Variants in PIGH observed in about 807,000 individuals in gnomAD.
The protein encoded by PIGH is phosphatidylinositol N-acetylglucosaminyltransferase subunit H.
Under a neutral mutation model 20.1 loss-of-function variants are expected in PIGH, and 11 were observed. That is an observed-to-expected ratio of 0.55 (90% CI 0.34 to 0.91). The LOEUF (loss-of-function observed/expected upper bound fraction) is 0.91. PIGH is among the 40% of genes least tolerant of loss of function. The probability of loss-of-function intolerance (pLI) is 0.02; values close to 1 mark genes in which losing one functional copy is unlikely to be tolerated. For missense variants in PIGH, 189 were observed against 233.6 expected (o/e 0.81, Z 1.24); for synonymous variants, 72 against 93.1 (o/e 0.77, Z 1.31).
intron 1 of PIGH, among the ~76,000 whole-genome samples, chr14:67,599,081 A>G (rs566951142): frequency 6.9e-4 from 105 of 152,308 alleles, no homozygotes; most frequent in Middle Eastern, 3.4e-3. Context: ...GCATATTTCT[A>G]TGCTAAATTA....
intron 3 of PIGH, among the ~76,000 whole-genome samples, chr14:67,590,728 A>G (rs1437493663): frequency 6.6e-6 from 1 of 152,242 alleles, no homozygotes; most frequent in Non-Finnish European, 1.5e-5. Context: ...CATGGAGTTA[A>G]GAAGTTTAGG....
intron 3 of PIGH, 106 bp downstream of exon 3, chr14:67,592,529 C>A: frequency 1.5e-6 from 1 of 668,894 alleles, no homozygotes; most frequent in East Asian, 2.7e-5. Context: ...AATTATCACT[C>A]AAAACAGCTG....
chr14:67,600,189 C>G lies in PIGH; in HGVS notation c.15G>C (p.Arg5=). 1 of 1,582,148 alleles carries G rather than the reference C, an allele frequency of 6.3e-7. No individual in the cohort carries two copies. Among genetic ancestry groups the G allele is most frequent in the East Asian group, 2.3e-5 (1 of 43,022 alleles). ...GGCCGCCGCAGATATCCGAAAAGCT[C>G]CGCTCATCCTCCATGACGCCCCCAC... MEDE[R]SFSDICGGRL... Residue 5 remains arginine (R), a synonymous_variant, in exon 1 of 4, where the codon CGG becomes CGC. Coordinates refer to ENST00000216452, the MANE Select transcript of PIGH (RefSeq NM_004569.5).
At chr14:67,598,915 G>A (rs1170682256) in intron 1 of PIGH, among the ~76,000 whole-genome samples, 5 of 146,404 alleles carry the variant, frequency 3.4e-5, no homozygotes, top group Non-Finnish European at 7.5e-5. Context: ...TCACCATGTT[G>A]GCCAGGCTGG....
At chr14:67,598,958 C>T (rs1271847746) in intron 1 of PIGH, among the ~76,000 whole-genome samples, 1 of 152,092 alleles carries the variant, frequency 6.6e-6, no homozygotes, top group East Asian at 1.9e-4. Context: ...GATCCGCCCG[C>T]CTCAGCTTCC....
chr14:67,592,908 C>G (rs1178321076), intron 2 of PIGH, 190 bp from the exon 3 acceptor site: 2 of 447,498 alleles, frequency 4.5e-6, no homozygotes, highest in Admixed American at 7.5e-5. Context: ...GCCTCAGCCT[C>G]CCAAGTAGCT....
intron 1 of PIGH, among the ~76,000 whole-genome samples, chr14:67,594,251 A>T (rs2036428959): frequency 6.6e-6 from 1 of 152,174 alleles, no homozygotes; most frequent in African/African-American, 2.4e-5. Context: ...AGGGAGGCTG[A>T]GGCAGGAGGA....
intron 1 of PIGH, among the ~76,000 whole-genome samples, chr14:67,598,104 G>A (rs1203001209): frequency 2.0e-5 from 3 of 152,068 alleles, no homozygotes; most frequent in African/African-American, 7.2e-5. Flanking sequence ...TTTGGGTTGG[G>A]GTTAAGCTGT....
At position 67,598,824 on chromosome 14, in the gene PIGH, C is replaced by G. The variant is rs540145187; in HGVS notation, c.180+1200G>C. Among the ~76,000 whole-genome samples, 4 of 152,076 alleles carry G rather than the reference C, an allele frequency of 2.6e-5. No individual in the cohort carries two copies. In the East Asian group the frequency reaches 5.8e-4, roughly 22 times the overall value. ...TCCCAGGTTCAAGCGATTCTCCCGC[C>G]TGAGCCTTCCGAGTGGCTGAGACTA... is the stretch of plus-strand genomic sequence containing the variant. On this transcript the variant is annotated intron_variant, in intron 1 of 3. Coordinates refer to ENST00000216452, the MANE Select transcript of PIGH (RefSeq NM_004569.5).
chr14:67,590,386 G>A (rs1205409582), intron 3 of PIGH, among the ~76,000 whole-genome samples: 2 of 151,622 alleles, frequency 1.3e-5, no homozygotes, highest in Non-Finnish European at 1.5e-5. Flanking sequence ...CCGAGTAGCT[G>A]GGATTACAGG....
intron 3 of PIGH, among the ~76,000 whole-genome samples, chr14:67,590,610 C>T (rs747784789): frequency 6.6e-6 from 1 of 152,172 alleles, no homozygotes. Flanking sequence ...CTGCCCACCT[C>T]GGCTTCCCAA....
At chr14:67,592,503 A>C (rs2036391852) in intron 3 of PIGH, 132 bp downstream of exon 3, 1 of 605,486 alleles carries the variant, frequency 1.7e-6, no homozygotes, top group South Asian at 2.1e-5. Flanking sequence ...GGAACTTCTC[A>C]AATAACTGAA....
At chr14:67,591,835 A>G (rs908848992) in intron 3 of PIGH, 9 of 151,470 alleles carry the variant, frequency 5.9e-5, no homozygotes, top group Non-Finnish European at 1.3e-4. Context: ...GCACCAGCTG[A>G]TAAGTGTTTT....
rs1288455039 is a variant in PIGH, at chr14:67,600,259, T to G, written c.-56A>C. On this transcript the variant is annotated 5_prime_UTR_variant, in exon 1 of 4. Transcript: ENST00000216452. ...GGCGCTGCACTGCGCTCGCCGGCCCTGGCCGTCTCGCCCGCTCCAGACCCG... is the reference window on the plus strand; with the variant it reads ...GGCGCTGCACTGCGCTCGCCGGCCCGGGCCGTCTCGCCCGCTCCAGACCCG... 3 of 1,418,454 alleles carry G rather than the reference T, an allele frequency of 2.1e-6. No individual in the cohort carries two copies. The highest frequency in any genetic ancestry group is 2.8e-6 in the Non-Finnish European group (3 of 1,071,472). The allele number at this position is 1,418,454 out of a possible 1,614,324, so 87.9% of individuals were successfully genotyped here.
chr14:67,594,875 C>T (rs565886586), intron 1 of PIGH, among the ~76,000 whole-genome samples: 7 of 151,704 alleles, frequency 4.6e-5, no homozygotes, highest in Non-Finnish European at 8.8e-5. Context: ...TTAGGCCGGG[C>T]GCGGTGGCTC....
chr14:67,590,258 T>A, intron 3 of PIGH, 86 bp from the exon 4 acceptor site: 1 of 1,169,474 alleles, frequency 8.6e-7, no homozygotes, highest in Non-Finnish European at 1.2e-6. Context: ...AATTTTTTTT[T>A]TTTTTTTTTT....
At position 67,589,374 on chromosome 14, in the gene PIGH, A is replaced by G. The variant is rs1465659235; in HGVS notation, c.*706T>C. On this transcript the variant is annotated 3_prime_UTR_variant, in exon 4 of 4. Transcript: ENST00000216452. ...TCCCATGTCTGAAAACCAAAGTCCA[A>G]TTTCTGTCTGGCCTTTTGTCTCATC... 2 of 984,552 alleles carry G rather than the reference A, an allele frequency of 2.0e-6. No homozygotes were observed. Among genetic ancestry groups the G allele is most frequent in the African/African-American group, 3.5e-5 (2 of 57,316 alleles). 61.0% of individuals were successfully genotyped at this position (984,552 alleles called of 1,614,324 possible). A position where few individuals can be genotyped will look rare whatever the true frequency, so the allele number is the denominator to read the frequency against.
chr14:67,589,725 G>T lies in PIGH; in HGVS notation c.*355C>A. The T allele has an allele frequency of 9.9e-7, 1 of 1,008,978 alleles. No individual in the cohort carries two copies. The allele number at this position is 1,008,978 out of a possible 1,614,324, so 62.5% of individuals were successfully genotyped here. The stretch of plus-strand genomic sequence containing the variant: ...AAAATATAGCTTTCTCAAGACATCT[G>T]ATGTCAGTTTCCCATTGTTTTGCTT... On this transcript the variant is annotated 3_prime_UTR_variant, in exon 4 of 4. Coordinates refer to ENST00000216452, the MANE Select transcript of PIGH (RefSeq NM_004569.5).
chr14:67,600,039 G>T lies in PIGH; in HGVS notation c.165C>A (p.Leu55=), dbSNP rs201381653. The change falls in exon 1 of 4, where the codon CTC becomes CTA. Residue 55 remains leucine, a synonymous_variant. Transcript: ENST00000216452. ...TTGCCATTACCTCGCAGAGGGTGAAGAGTCCGTAGGCCGCCAGCCACACCG... is the reference window on the plus strand; with the variant it reads ...TTGCCATTACCTCGCAGAGGGTGAATAGTCCGTAGGCCGCCAGCCACACCG... ...TCTVWLAAYG[L]FTLCENSMIL... The T allele has an allele frequency of 6.8e-5, 107 of 1,573,352 alleles. 1 individual carries two copies. The East Asian group carries it at 2.4e-3, about 36-fold the overall frequency.
Sources: allele counts gnomAD v4.1 joint callset (sites outside exome capture counted in the v4.1 genomes callset), GRCh38; gene constraint gnomAD v4.1.1; transcripts MANE v1.5; gene names NCBI Gene and HGNC (gene_info 2026-07-23, HGNC 2026-07-21).